Variants in CLCA4 observed in about 807,000 individuals in gnomAD.
CLCA4 encodes chloride channel accessory 4.
A neutral mutation model predicts 78.9 loss-of-function variants in CLCA4; 69 were observed. That is an observed-to-expected ratio of 0.87 (90% CI 0.72 to 1.07). CLCA4 has a LOEUF of 1.07. CLCA4 is among the 50% of genes least tolerant of loss of function. The pLI, the probability that CLCA4 is intolerant of heterozygous loss-of-function variation, is 0.00. For synonymous variants in CLCA4, 362 were observed against 375.8 expected (o/e 0.96, Z 0.42); for missense variants, 1,133 against 1,095.8 (o/e 1.03, Z -0.48).
intron 6 of CLCA4, among the ~76,000 whole-genome samples, chr1:86,566,701 G>C (rs1423991969): frequency 1.3e-5 from 2 of 152,008 alleles, no homozygotes; most frequent in Non-Finnish European, 2.9e-5. Flanking sequence ...TTGGTTCAGG[G>C]AGTTCAGAAG....
At chr1:86,552,199 A>G (rs547112541) in intron 1 of CLCA4, among the ~76,000 whole-genome samples, 1 of 152,240 alleles carries the variant, frequency 6.6e-6, no homozygotes, top group African/African-American at 2.4e-5. Context: ...CATAAGGTAT[A>G]AAAAGTTTAA....
chr1:86,572,770 A>G (rs1558195855), intron 9 of CLCA4, 50 bp downstream of exon 9: 1 of 1,073,476 alleles, frequency 9.3e-7, no homozygotes, highest in East Asian at 2.4e-5. Context: ...GCCACAAGAA[A>G]AAACCATTTG....
intron 5 of CLCA4, among the ~76,000 whole-genome samples, 172 bp from the exon 6 acceptor site, chr1:86,565,630 C>T (rs375725423): frequency 3.9e-5 from 6 of 151,994 alleles, no homozygotes; most frequent in Admixed American, 3.9e-4. Context: ...TATTACGTTA[C>T]CATAATTCTT....
rs1286215984 is a variant in CLCA4 at position 86,580,406 on chromosome 1, A to G, written c.*61A>G. The G allele has an allele frequency of 4.8e-6, 6 of 1,260,710 alleles. No individual in the cohort carries two copies. In the South Asian group the frequency reaches 5.0e-5, roughly 11 times the overall value. The allele number at this position is 1,260,710 out of a possible 1,614,324, so 78.1% of individuals were successfully genotyped here. Reference sequence around the variant, plus strand: ...GAAGAGAGTTTTAAAAAACAAAACAATGTAAGTAAAGGATATTTCTGAATC... The same window carrying G: ...GAAGAGAGTTTTAAAAAACAAAACAGTGTAAGTAAAGGATATTTCTGAATC... On this transcript the variant is annotated 3_prime_UTR_variant, in exon 14 of 14. Transcript: ENST00000370563.
rs1442124416 is a variant in CLCA4 at position 86,560,208 on chromosome 1, C to T, written c.301-3C>T. The T allele has an allele frequency of 8.1e-6, 13 of 1,598,352 alleles. No homozygotes were observed. The highest frequency in any genetic ancestry group is 2.2e-5 in the East Asian group (1 of 44,712). ...GTTTGACAATCTTTTTCAACATTCTCAGGCTGATGTTATAGTTGCACCACC... is the reference window on the plus strand; with the variant it reads ...GTTTGACAATCTTTTTCAACATTCTTAGGCTGATGTTATAGTTGCACCACC... On this transcript the variant is annotated splice_region_variant and splice_polypyrimidine_tract_variant and intron_variant, in intron 2 of 13. Transcript: ENST00000370563.
At chr1:86,554,840 C>T (rs1295823281) in intron 1 of CLCA4, among the ~76,000 whole-genome samples, 1 of 151,612 alleles carries the variant, frequency 6.6e-6, no homozygotes, top group Non-Finnish European at 1.5e-5. Context: ...CCCTTTTCTC[C>T]TCAACCTCGC....
chr1:86,564,376 A>G (rs1272673390), intron 4 of CLCA4, among the ~76,000 whole-genome samples: 1 of 152,176 alleles, frequency 6.6e-6, no homozygotes, highest in Non-Finnish European at 1.5e-5. Flanking sequence ...ATATGATTTC[A>G]ATCAAGGTCC....
At chr1:86,553,677 G>A (rs1570319541) in intron 1 of CLCA4, among the ~76,000 whole-genome samples, 1 of 152,226 alleles carries the variant, frequency 6.6e-6, no homozygotes, top group Non-Finnish European at 1.5e-5. Flanking sequence ...ACTCACGTCT[G>A]TAATCCCAGC....
At position 86,572,668 on chromosome 1, in the gene CLCA4, C is replaced by G; in HGVS notation, c.1415C>G (p.Ala472Gly). 6.2e-7 allele frequency: 1 copy of G among 1,609,564 alleles called. No homozygotes were observed. The change falls in exon 9 of 14, where the codon GCT becomes GGT. Residue 472 changes from alanine (A) to glycine (G), a missense_variant. Transcript: ENST00000370563. ...GCTCAGAACAATGGCCTCATTGATG[C>G]TTTTGGGGCTCTTACATCAGGAAAT... ...DEAQNNGLIDAFGALTSGNTD... is the reference protein window; with the variant it reads ...DEAQNNGLIDGFGALTSGNTD...
At chr1:86,561,968 G>T (rs959039900) in intron 3 of CLCA4, among the ~76,000 whole-genome samples, 1 of 152,120 alleles carries the variant, frequency 6.6e-6, no homozygotes, top group Admixed American at 6.5e-5. Flanking sequence ...ATGCAATTTT[G>T]TAATAATCAT....
intron 11 of CLCA4, 91 bp from the exon 12 acceptor site, chr1:86,577,811 C>A: frequency 1.1e-6 from 1 of 938,342 alleles, no homozygotes; most frequent in South Asian, 1.7e-5. Context: ...TAAGCCTAAT[C>A]TAGAGGATAT....
At chr1:86,554,932 T>G (rs1009478612) in intron 1 of CLCA4, among the ~76,000 whole-genome samples, 3 of 152,052 alleles carry the variant, frequency 2.0e-5, no homozygotes, top group African/African-American at 4.8e-5. Flanking sequence ...GTGGGTTTTT[T>G]TGTGTGTGTG....
In CLCA4 at chr1:86,565,437, C is replaced by A; in HGVS notation, c.721C>A (p.Gln241Lys). The A allele has an allele frequency of 6.3e-7, 1 of 1,590,288 alleles. No individual in the cohort carries two copies. The highest frequency in any genetic ancestry group is 8.6e-7 in the Non-Finnish European group (1 of 1,167,160). Reference sequence around the variant, plus strand: ...AGAAAAAGCATCCATAATGTTTATGCAAAGTATTGATTCTGTAAGTATGCT... The same window carrying A: ...AGAAAAAGCATCCATAATGTTTATGAAAAGTATTGATTCTGTAAGTATGCT... The part of the protein sequence containing the change: ...QTEKASIMFM[Q>K]SIDSVVEFCN... The change falls in exon 5 of 14, where the codon CAA becomes AAA. Residue 241 changes from glutamine to lysine, a missense_variant. By Grantham distance (53) the Gln-to-Lys change is moderately conservative (BLOSUM62 1). Coordinates refer to ENST00000370563, the MANE Select transcript of CLCA4 (RefSeq NM_012128.4).
intron 7 of CLCA4, among the ~76,000 whole-genome samples, chr1:86,568,788 C>A (rs1412359016): frequency 6.6e-6 from 1 of 151,948 alleles, no homozygotes; most frequent in Non-Finnish European, 1.5e-5. Context: ...TTCTACCAAC[C>A]CTTCAAAATC....
rs527798149 is a variant in CLCA4 at position 86,567,191 on chromosome 1, G to A, written c.955-233G>A. Among the ~76,000 whole-genome samples, 4 of 151,990 alleles carry A rather than the reference G, an allele frequency of 2.6e-5. No individual in the cohort carries two copies. The East Asian group carries it at 7.7e-4, about 29-fold the overall frequency. On this transcript the variant is annotated intron_variant, in intron 6 of 13. Transcript: ENST00000370563. Reference sequence around the variant, plus strand: ...CCACCTCTTACTTGGATACTCAGTGGTCAAGAATCAATTGTAAATAAAAAC... The same window carrying A: ...CCACCTCTTACTTGGATACTCAGTGATCAAGAATCAATTGTAAATAAAAAC...
chr1:86,553,269 T>C, intron 1 of CLCA4: 1 of 838,470 alleles, frequency 1.2e-6, no homozygotes. Flanking sequence ...GGACACGGTC[T>C]TCAAGCCGGC....
intron 3 of CLCA4, among the ~76,000 whole-genome samples, chr1:86,561,021 C>T (rs765164127): frequency 5.9e-5 from 9 of 152,192 alleles, no homozygotes; most frequent in Non-Finnish European, 1.3e-4. Context: ...TAAATGGGAA[C>T]CTTGCTGAAT....
intron 9 of CLCA4, 79 bp downstream of exon 9, chr1:86,572,799 T>G (rs770748089): frequency 2.4e-6 from 2 of 818,172 alleles, no homozygotes; most frequent in African/African-American, 3.4e-5. Flanking sequence ...AAGTTTTGAG[T>G]TCCATATTTT....
intron 9 of CLCA4, 94 bp downstream of exon 9, chr1:86,572,814 A>G (rs1378101389): frequency 2.6e-6 from 2 of 764,934 alleles, no homozygotes; most frequent in Non-Finnish European, 4.7e-6. Context: ...TATTTTTCTC[A>G]AAGTAAATTT....
Sources: gnomAD v4.1 joint callset for allele counts (sites outside exome capture counted in the v4.1 genomes callset) on GRCh38, gnomAD v4.1.1 for gene constraint, MANE v1.5 for transcripts, NCBI Gene and HGNC (gene_info 2026-07-23, HGNC 2026-07-21) for gene names.